Variants in PPP6R3 observed in about 807,000 individuals in gnomAD.
PPP6R3 encodes the protein protein phosphatase 6 regulatory subunit 3.
In PPP6R3, 38 loss-of-function variants were observed where a neutral mutation model predicts 110.7. The ratio of observed to expected loss-of-function variants is 0.34; its 90% CI spans 0.26 to 0.45. PPP6R3 has a LOEUF of 0.45. Ranked by LOEUF, PPP6R3 falls within the 20% of genes least tolerant of loss-of-function variation. The pLI is 1.00. For synonymous variants in PPP6R3, 369 were observed against 373.5 expected, an observed-to-expected ratio of 0.99 and a Z score of 0.14; for missense variants, 870 against 1,062.4, an observed-to-expected ratio of 0.82 and a Z score of 2.52.
At chr11:68,508,121 C>CTTTT (rs748376581) in intron 1 of PPP6R3, among the ~76,000 whole-genome samples, 104 of 77,618 alleles carry the variant, frequency 1.3e-3, no homozygotes, top group African/African-American at 1.5e-3. Context: ...GTTTTTTGGC[C>CTTTT]TTTTTTTTTT....
At chr11:68,508,121 C>CTTTTTTT (rs748376581) in intron 1 of PPP6R3, among the ~76,000 whole-genome samples, 118 of 77,616 alleles carry the variant, frequency 1.5e-3, no homozygotes, top group Non-Finnish European at 1.6e-3. Context: ...GTTTTTTGGC[C>CTTTTTTT]TTTTTTTTTT....
intron 21 of PPP6R3, among the ~76,000 whole-genome samples, chr11:68,602,654 A>G (rs761726026): frequency 3.3e-5 from 5 of 152,196 alleles, no homozygotes; most frequent in Non-Finnish European, 7.3e-5. Context: ...GGCAAGGGAA[A>G]GGAATAAAAC....
intron 6 of PPP6R3, 40 bp from the exon 7 acceptor site, chr11:68,554,105 T>C (rs776822352): frequency 7.1e-7 from 1 of 1,399,282 alleles, no homozygotes; most frequent in Non-Finnish European, 9.9e-7. Context: ...ATTTAACTTC[T>C]AACATGTTTT....
At chr11:68,570,758 TA>T (rs1304051002) in intron 11 of PPP6R3, among the ~76,000 whole-genome samples, 4 of 152,334 alleles carry the variant, frequency 2.6e-5, no homozygotes, top group African/African-American at 9.6e-5. Context: ...TCACAGCTAA[TA>T]AAACCTGGCT....
chr11:68,560,486 A>G (rs1176303364), intron 8 of PPP6R3, among the ~76,000 whole-genome samples: 1 of 152,266 alleles, frequency 6.6e-6, no homozygotes, highest in Non-Finnish European at 1.5e-5. Context: ...CTTAGAGGAA[A>G]TAATTGCCAA....
intron 14 of PPP6R3, among the ~76,000 whole-genome samples, chr11:68,582,819 A>G (rs1445044776): frequency 6.6e-6 from 1 of 152,194 alleles, no homozygotes; most frequent in Non-Finnish European, 1.5e-5. Flanking sequence ...AGTAGTGAGG[A>G]GTGGAATAAC....
chr11:68,464,080 A>AT (rs1490419333), intron 1 of PPP6R3, among the ~76,000 whole-genome samples: 2 of 152,192 alleles, frequency 1.3e-5, no homozygotes, highest in East Asian at 3.8e-4. Flanking sequence ...ATAATTAGAA[A>AT]TTTTTTAAGA....
intron 18 of PPP6R3, among the ~76,000 whole-genome samples, chr11:68,595,032 T>A (rs537743580): frequency 6.6e-6 from 1 of 152,244 alleles, no homozygotes; most frequent in African/African-American, 2.4e-5. Flanking sequence ...AAAAGTGAAC[T>A]GATTCGTACC....
At chr11:68,499,792 C>G (rs913363155) in intron 1 of PPP6R3, among the ~76,000 whole-genome samples, 13 of 152,156 alleles carry the variant, frequency 8.5e-5, no homozygotes, top group Admixed American at 6.5e-5. Context: ...AGGCTGGTCT[C>G]AAACTCCTGG....
intron 1 of PPP6R3, among the ~76,000 whole-genome samples, chr11:68,475,358 C>T (rs182876792): frequency 5.2e-4 from 79 of 152,312 alleles, no homozygotes; most frequent in Non-Finnish European, 1.0e-3. Flanking sequence ...TGTCTTTTCC[C>T]CACCTTTCCC....
intron 21 of PPP6R3, 30 bp downstream of exon 21, chr11:68,601,999 A>G: frequency 6.5e-7 from 1 of 1,534,572 alleles, no homozygotes. Flanking sequence ...GGTACACGCC[A>G]GGGTCACGTG....
At position 68,558,603 on chromosome 11, in the gene PPP6R3, C is replaced by A; in HGVS notation, c.769C>A (p.His257Asn). ...IIEQLLSNIF[H>N]KEKNESAIVS... ...AGAGCAGCTTCTATCAAATATTTTC[C>A]ACAAGGAGAAAAATGAGTCAGCCAT... The change falls in exon 8 of 24, where the codon CAC becomes AAC. Residue 257 changes from histidine to asparagine, a missense_variant. His to Asn is a moderately conservative substitution (Grantham distance 68, BLOSUM62 1). Transcript: ENST00000393800. 6.2e-7 allele frequency: 1 copy of A among 1,612,694 alleles called. No individual in the cohort carries two copies. The highest frequency in any genetic ancestry group is 1.1e-5 in the South Asian group (1 of 90,792).
At position 68,573,112 on chromosome 11, in the gene PPP6R3, TTTTATATATATATATA is replaced by T. The variant is rs1402476552; in HGVS notation, c.1344-995_1344-980del. Among the ~76,000 whole-genome samples, 13 of 38,078 alleles carry T rather than the reference TTTTATATATATATATA, an allele frequency of 3.4e-4. 2 individuals carry two copies. The East Asian group carries it at 6.2e-3, about 18-fold the overall frequency. 25.0% of individuals were successfully genotyped at this position (38,078 alleles called of 152,430 possible). On this transcript the variant is annotated intron_variant, in intron 12 of 23. Coordinates refer to ENST00000393800, the MANE Select transcript of PPP6R3 (RefSeq NM_001164161.2). ...AATCAGATTAATATGAGTTTACTTA[TTTTATATATATATATA>T]TATATATATATATATATATATATAT...
chr11:68,546,394 T>C (rs2099349343), intron 4 of PPP6R3, among the ~76,000 whole-genome samples: 1 of 152,182 alleles, frequency 6.6e-6, no homozygotes, highest in Non-Finnish European at 1.5e-5. Flanking sequence ...GAATCCAAGT[T>C]GGCGAGCCCC....
chr11:68,580,746 CTTTTTTTTTTTTTTTTTTTTTTTTTTTT>C (rs71043441), intron 14 of PPP6R3, among the ~76,000 whole-genome samples: 6 of 67,530 alleles, frequency 8.9e-5, no homozygotes, highest in South Asian at 1.6e-3. Flanking sequence ...GGTAAATAAT[CTTTTTTTTTTTTTTTTTTTTTTTTTTTT>C]TTTTTTTTTT....
intron 1 of PPP6R3, among the ~76,000 whole-genome samples, chr11:68,476,219 G>A (rs1024519788): frequency 3.9e-5 from 6 of 152,218 alleles, no homozygotes; most frequent in Admixed American, 6.5e-5. Flanking sequence ...CCGGCACCTC[G>A]GGAGGCCGAG....
chr11:68,463,376 AAGAT>A (rs1161253981), intron 1 of PPP6R3, among the ~76,000 whole-genome samples: 140 of 151,202 alleles, frequency 9.3e-4, no homozygotes, highest in African/African-American at 2.3e-3. Flanking sequence ...AAAAAAAAAA[AAGAT>A]AGGGCTTTGC....
At position 68,498,727 on chromosome 11, in the gene PPP6R3, T is replaced by G. The variant is rs151162614; in HGVS notation, c.-157-20774T>G. Among the ~76,000 whole-genome samples, 627 of 152,376 alleles carry G rather than the reference T, an allele frequency of 4.1e-3. 2 individuals carry two copies. The highest frequency in any genetic ancestry group is 0.014 in the African/African-American group (600 of 41,592). ...TCATATGAAATTGTTCTGTTGTTGA[T>G]GGACATTGGATAGATGGTAGTTTTG... On this transcript the variant is annotated intron_variant, in intron 1 of 23. Transcript: ENST00000393800.
rs772142976 is a variant in PPP6R3, at chr11:68,601,933, A to G, written c.2263A>G (p.Thr755Ala). ...CAGCACTGAACCCATGGACCCTCTGACTCCCAGTGCGGCTGCCCTGGCAGT... is the reference window on the plus strand; with the variant it reads ...CAGCACTGAACCCATGGACCCTCTGGCTCCCAGTGCGGCTGCCCTGGCAGT... ...ETSTEPMDPL[T>A]PSAAALAVQP... The change falls in exon 21 of 24, where the codon ACT (threonine) becomes GCT (alanine). Residue 755 changes from threonine to alanine, a missense_variant. By Grantham distance (58) the Thr-to-Ala change is moderately conservative. Transcript: ENST00000393800. 6.2e-6 allele frequency: 10 copies of G among 1,613,096 alleles called. No individual in the cohort carries two copies. The Admixed American group carries it at 1.7e-4, about 27-fold the overall frequency.
Sources: gnomAD v4.1 joint callset for allele counts (sites outside exome capture counted in the v4.1 genomes callset) on GRCh38, gnomAD v4.1.1 for gene constraint, MANE v1.5 for transcripts, NCBI Gene and HGNC (gene_info 2026-07-23, HGNC 2026-07-21) for gene names.